FAM204A: variants seen among roughly 807,000 people sequenced by gnomAD.
The protein encoded by FAM204A is protein FAM204A.
In FAM204A, 16 loss-of-function variants were observed where a neutral mutation model predicts 35.4. That is an observed-to-expected ratio of 0.45 (90% confidence interval 0.31 to 0.69). FAM204A has a LOEUF of 0.69. FAM204A is among the 30% of genes least tolerant of loss of function. FAM204A has a pLI of 0.07. For synonymous variants in FAM204A, 76 were observed against 86.9 expected, an observed-to-expected ratio of 0.88 and a Z score of 0.70; for missense variants, 240 against 265.7, an observed-to-expected ratio of 0.90 and a Z score of 0.67.
At chr10:118,335,300 A>T in intron 5 of FAM204A, 87 bp from the exon 6 acceptor site, 3 of 1,548,096 alleles carry the variant, frequency 1.9e-6, no homozygotes, top group Non-Finnish European at 2.6e-6. Flanking sequence ...ATTATACTAC[A>T]ATTACTAGTT....
At position 118,309,109 on chromosome 10, in the gene FAM204A, T is replaced by C. The variant is rs1315857232; in HGVS notation, c.*1748A>G. 1 of 152,208 alleles carries C rather than the reference T, an allele frequency of 6.6e-6. No homozygotes were observed. Among genetic ancestry groups the C allele is most frequent in the Non-Finnish European group, 1.5e-5 (1 of 68,036 alleles). The allele number at this position is 152,208 out of a possible 1,614,324, so 9.4% of individuals were successfully genotyped here. On this transcript the variant is annotated 3_prime_UTR_variant, in exon 9 of 9. Transcript: ENST00000369183. ...ATTTAGCAGTTTGAAATGAATATTG[T>C]AGGTAAGTTTTACATGATCATATCT...
intron 6 of FAM204A, among the ~76,000 whole-genome samples, chr10:118,326,924 C>T (rs1846206107): frequency 6.6e-6 from 1 of 152,096 alleles, no homozygotes; most frequent in African/African-American, 2.4e-5. Flanking sequence ...TTTTTATTTA[C>T]TAAAGATACT....
intron 7 of FAM204A, among the ~76,000 whole-genome samples, chr10:118,322,832 T>TC (rs1472957317): frequency 6.6e-6 from 1 of 152,064 alleles, no homozygotes; most frequent in Non-Finnish European, 1.5e-5. Flanking sequence ...TAAAATGTGT[T>TC]CAACTCAAAA....
chr10:118,340,404 A>C (rs1359957484), intron 2 of FAM204A, among the ~76,000 whole-genome samples: 1 of 152,200 alleles, frequency 6.6e-6, no homozygotes. Context: ...TCCATTCTTA[A>C]GCTATAAAAT....
In FAM204A at chr10:118,342,300, T is replaced by C. The variant is rs1234877932; in HGVS notation, c.-240A>G. 6.6e-6 allele frequency: 1 copy of C among 152,526 alleles called. No individual in the cohort carries two copies. The highest frequency in any genetic ancestry group is 2.4e-5 in the African/African-American group (1 of 41,486). 9.4% of individuals were successfully genotyped at this position (152,526 alleles called of 1,614,324 possible). On this transcript the variant is annotated 5_prime_UTR_variant, in exon 1 of 9. It removes the in-frame stop codon of an upstream open reading frame in the 5' UTR. Transcript: ENST00000369183. ...AGGAAGTGGTCGCCCAGCAGCCATC[T>C]TAGGACCCCGTCAACATCGCGCCTT...
chr10:118,313,010 A>G (rs1845977356), intron 7 of FAM204A, among the ~76,000 whole-genome samples: 1 of 152,156 alleles, frequency 6.6e-6, no homozygotes, highest in South Asian at 2.1e-4. Flanking sequence ...ACGTAAGTCA[A>G]CCAAATAAAA....
rs972390366 is a variant in FAM204A, at chr10:118,304,796, C to G, written c.*6061G>C. 1.3e-5 allele frequency: 2 copies of G among 152,214 alleles called. No homozygotes were observed. The highest frequency in any genetic ancestry group is 2.9e-5 in the Non-Finnish European group (2 of 68,048). 9.4% of individuals were successfully genotyped at this position (152,214 alleles called of 1,614,324 possible). On this transcript the variant is annotated 3_prime_UTR_variant, in exon 9 of 9. Transcript: ENST00000369183. Reference sequence around the variant, plus strand: ...CTTTGACTCAGCTCTGTCAACACACCCAAGTAAAAATGACTCCATCAAATC... The same window carrying G: ...CTTTGACTCAGCTCTGTCAACACACGCAAGTAAAAATGACTCCATCAAATC...
intron 6 of FAM204A, among the ~76,000 whole-genome samples, chr10:118,328,459 T>C (rs1174348002): frequency 1.3e-5 from 2 of 151,862 alleles, no homozygotes; most frequent in African/African-American, 2.4e-5. Flanking sequence ...CAGCAATCCA[T>C]ATGATTCTGA....
chr10:118,340,021 C>CT (rs2133297237), intron 2 of FAM204A, among the ~76,000 whole-genome samples: 1 of 152,304 alleles, frequency 6.6e-6, no homozygotes, highest in South Asian at 2.1e-4. Context: ...GGTTCCTAAT[C>CT]TAAGTATGAA....
chr10:118,312,355 G>C (rs1298825557), intron 7 of FAM204A, among the ~76,000 whole-genome samples: 1 of 152,170 alleles, frequency 6.6e-6, no homozygotes, highest in Non-Finnish European at 1.5e-5. Context: ...AAAGTCAACA[G>C]GTTAAAGCCT....
At chr10:118,312,245 C>G (rs1191019553) in intron 7 of FAM204A, among the ~76,000 whole-genome samples, 9 of 152,178 alleles carry the variant, frequency 5.9e-5, no homozygotes, top group Non-Finnish European at 4.4e-5. Flanking sequence ...CGAAGTACCT[C>G]TTTGGTGTTT....
intron 6 of FAM204A, among the ~76,000 whole-genome samples, chr10:118,332,187 A>AAAAAAAAAAAAAAAAC (rs1846302102): frequency 6.7e-6 from 1 of 150,302 alleles, no homozygotes; most frequent in Non-Finnish European, 1.5e-5. Flanking sequence ...AAAAAAAAAA[A>AAAAAAAAAAAAAAAAC]AATCATATGA....
intron 6 of FAM204A, among the ~76,000 whole-genome samples, chr10:118,328,532 C>A (rs1251820891): frequency 6.9e-6 from 1 of 144,532 alleles, no homozygotes; most frequent in Non-Finnish European, 1.5e-5. Context: ...CTTACTCTGT[C>A]GCCAGGCTGG....
rs932955497 is a variant in FAM204A, at chr10:118,308,223, A to G, written c.*2634T>C. The G allele has an allele frequency of 1.1e-4, 17 of 152,226 alleles. No homozygotes were observed. The East Asian group carries it at 3.1e-3, about 28-fold the overall frequency. The allele number at this position is 152,226 out of a possible 1,614,324, so 9.4% of individuals were successfully genotyped here. ...ATTAATGCCATACCAACGGCCTGAA[A>G]CATATTAATCTCAGTTAACAATAAC... On this transcript the variant is annotated 3_prime_UTR_variant, in exon 9 of 9. Transcript: ENST00000369183.
chr10:118,315,324 T>G (rs1420558406), intron 7 of FAM204A, among the ~76,000 whole-genome samples: 1 of 152,202 alleles, frequency 6.6e-6, no homozygotes, highest in Non-Finnish European at 1.5e-5. Context: ...GATAATCATT[T>G]GAAGTATCTG....
intron 7 of FAM204A, among the ~76,000 whole-genome samples, chr10:118,317,274 T>C (rs1380364900): frequency 2.0e-5 from 3 of 152,092 alleles, no homozygotes; most frequent in Non-Finnish European, 4.4e-5. Context: ...TATATATGTG[T>C]TTTGCTGTGG....
At chr10:118,327,558 CCA>C (rs1202202830) in intron 6 of FAM204A, among the ~76,000 whole-genome samples, 1 of 152,162 alleles carries the variant, frequency 6.6e-6, no homozygotes, top group Admixed American at 6.5e-5. Flanking sequence ...TGATCATCTA[CCA>C]GTCTCCAGAA....
rs74164038 is a variant in FAM204A at position 118,310,078 on chromosome 10, A to T, written c.*779T>A. 1 of 152,204 alleles carries T rather than the reference A, an allele frequency of 6.6e-6. No homozygotes were observed. Among genetic ancestry groups the T allele is most frequent in the African/African-American group, 2.4e-5 (1 of 41,428 alleles). 9.4% of individuals were successfully genotyped at this position (152,204 alleles called of 1,614,324 possible). A position where few individuals can be genotyped will look rare whatever the true frequency, so the allele number is the denominator to read the frequency against. On this transcript the variant is annotated 3_prime_UTR_variant, in exon 9 of 9. Coordinates refer to ENST00000369183, the MANE Select transcript of FAM204A (RefSeq NM_022063.3). ...TAAGGTCAAGTCATTTGTAAAGATA[A>T]TATCAACTGAGACTTTTTGGTACTT...
chr10:118,319,195 A>G (rs1170447671), intron 7 of FAM204A, among the ~76,000 whole-genome samples: 1 of 152,016 alleles, frequency 6.6e-6, no homozygotes, highest in African/African-American at 2.4e-5. Context: ...ATGTACATAT[A>G]AAGTCCTCTT....
Sources: gnomAD v4.1 joint callset for allele counts (sites outside exome capture counted in the v4.1 genomes callset) on GRCh38, gnomAD v4.1.1 for gene constraint, MANE v1.5 for transcripts, NCBI Gene and HGNC (gene_info 2026-07-23, HGNC 2026-07-21) for gene names.